Variants in SLC35F1 observed in about 807,000 individuals in gnomAD.
SLC35F1 encodes chromosome 6 open reading frame 169.
SLC35F1 carries 14 observed loss-of-function variants against 48.7 expected under a neutral mutation model. The ratio of observed to expected loss-of-function variants is 0.29; its 90% confidence interval spans 0.19 to 0.45. The LOEUF (loss-of-function observed/expected upper bound fraction) is 0.45. SLC35F1 is among the 20% of genes least tolerant of loss of function. The pLI is 1.00. For missense variants in SLC35F1, 404 were observed against 500.0 expected (o/e 0.81, Z 1.83); for synonymous variants, 190 against 202.2 (o/e 0.94, Z 0.51).
In SLC35F1 at chr6:118,196,732, A is replaced by T. The variant is rs1774805680; in HGVS notation, c.350-38777A>T. 3.3e-5 allele frequency among the ~76,000 whole-genome samples: 5 copies of T among 152,136 alleles called. No individual in the cohort carries two copies. The South Asian group carries it at 1.0e-3, about 31-fold the overall frequency. ...AGTGAGACTCTGTCTCAAAAAAAAT[A>T]AATTAAATAAATAAATAAATAAATC... On this transcript the variant is annotated intron_variant, in intron 2 of 7. Coordinates refer to ENST00000360388, the MANE Select transcript of SLC35F1 (RefSeq NM_001029858.4).
intron 1 of SLC35F1, among the ~76,000 whole-genome samples, chr6:118,034,137 T>G (rs912284225): frequency 1.3e-5 from 2 of 152,212 alleles, no homozygotes; most frequent in Admixed American, 6.5e-5. Flanking sequence ...GCAATTTTTT[T>G]TGTGTAAAGA....
chr6:118,150,871 A>G (rs1270927553), intron 1 of SLC35F1, among the ~76,000 whole-genome samples: 1 of 152,134 alleles, frequency 6.6e-6, no homozygotes, highest in Non-Finnish European at 1.5e-5. Flanking sequence ...TGCAAAGTCA[A>G]CATCTCTAAT....
intron 1 of SLC35F1, among the ~76,000 whole-genome samples, chr6:117,998,688 G>C (rs1317415460): frequency 2.6e-5 from 4 of 152,096 alleles, no homozygotes; most frequent in Admixed American, 1.3e-4. Flanking sequence ...GGATACATAA[G>C]GAAATGAAGG....
At chr6:118,277,603 G>A in intron 6 of SLC35F1, 57 bp downstream of exon 6, 2 of 1,489,346 alleles carry the variant, frequency 1.3e-6, no homozygotes, top group East Asian at 2.3e-5. Context: ...TGTGTTTGAA[G>A]AATGATGTGG....
At chr6:118,178,186 G>A (rs1240658859) in intron 2 of SLC35F1, among the ~76,000 whole-genome samples, 3 of 151,844 alleles carry the variant, frequency 2.0e-5, no homozygotes, top group Non-Finnish European at 4.4e-5. Context: ...TGGGGGTTGC[G>A]GATCTAGATT....
intron 1 of SLC35F1, among the ~76,000 whole-genome samples, chr6:118,042,260 C>G (rs1020103421): frequency 2.6e-5 from 4 of 152,146 alleles, no homozygotes; most frequent in African/African-American, 9.7e-5. Context: ...CTTTGTAAAG[C>G]CCATTATTTG....
intron 6 of SLC35F1, among the ~76,000 whole-genome samples, chr6:118,280,084 G>C (rs1775963734): frequency 6.6e-6 from 1 of 152,090 alleles, no homozygotes; most frequent in Non-Finnish European, 1.5e-5. Flanking sequence ...AAAATATAGA[G>C]CAATTAAAAG....
intron 4 of SLC35F1, among the ~76,000 whole-genome samples, chr6:118,270,720 G>A (rs927404690): frequency 1.3e-5 from 2 of 152,152 alleles, no homozygotes; most frequent in African/African-American, 4.8e-5. Flanking sequence ...TGCATTTACT[G>A]ATGTGCAGGG....
intron 1 of SLC35F1, among the ~76,000 whole-genome samples, chr6:118,017,366 G>A (rs931859246): frequency 6.6e-6 from 1 of 152,150 alleles, no homozygotes; most frequent in Non-Finnish European, 1.5e-5. Context: ...CACATGCTGA[G>A]TCCTAGGCAA....
At chr6:118,071,073 C>CACATAGTATATATATTCTATGTATA (rs1562280985) in intron 1 of SLC35F1, among the ~76,000 whole-genome samples, 50 of 1,186 alleles carry the variant, frequency 0.042, no homozygotes, top group East Asian at 0.12. Context: ...CGTATATATA[C>CACATAGTATATATATTCTATGTATA]TATGTGTATA....
intron 1 of SLC35F1, among the ~76,000 whole-genome samples, chr6:118,007,796 G>A (rs1165084668): frequency 6.6e-6 from 1 of 152,128 alleles, no homozygotes; most frequent in African/African-American, 2.4e-5. Context: ...CTGGAGCTCA[G>A]GGTCTTCTTG....
At chr6:118,248,825 G>GTGTT (rs545999377) in intron 3 of SLC35F1, among the ~76,000 whole-genome samples, 81 of 152,348 alleles carry the variant, frequency 5.3e-4, no homozygotes, top group African/African-American at 1.9e-3. Context: ...TATAGATTGA[G>GTGTT]TGTTTGTGTC....
chr6:117,995,851 G>A (rs985377800), intron 1 of SLC35F1, among the ~76,000 whole-genome samples: 2 of 152,114 alleles, frequency 1.3e-5, no homozygotes, highest in Non-Finnish European at 2.9e-5. Flanking sequence ...TAGATTGGAT[G>A]GATTATATGG....
intron 2 of SLC35F1, among the ~76,000 whole-genome samples, chr6:118,215,318 A>C (rs1775057378): frequency 6.6e-6 from 1 of 152,226 alleles, no homozygotes; most frequent in African/African-American, 2.4e-5. Context: ...TTTCTCAAAA[A>C]TATGAGGCAA....
At chr6:118,072,232 C>T (rs34378000) in intron 1 of SLC35F1, among the ~76,000 whole-genome samples, 26,174 of 151,878 alleles carry the variant, frequency 0.17, 2,516 homozygotes, top group Admixed American at 0.28. Flanking sequence ...GTTCCTTTTA[C>T]GAATATAGTA....
chr6:118,233,186 C>T (rs1241123863), intron 2 of SLC35F1, among the ~76,000 whole-genome samples: 2 of 152,144 alleles, frequency 1.3e-5, no homozygotes, highest in Admixed American at 6.5e-5. Context: ...AGGATGATCT[C>T]GATCTCTTGA....
chr6:118,085,478 C>CTTTT (rs1299611336), intron 1 of SLC35F1, among the ~76,000 whole-genome samples: 1 of 80,152 alleles, frequency 1.2e-5, no homozygotes, highest in Non-Finnish European at 2.7e-5. Flanking sequence ...CTTTTTTTTT[C>CTTTT]TTTCTTTCCT....
At chr6:117,992,271 T>C (rs902305360) in intron 1 of SLC35F1, among the ~76,000 whole-genome samples, 1 of 152,206 alleles carries the variant, frequency 6.6e-6, no homozygotes, top group African/African-American at 2.4e-5. Context: ...TTAACATCAT[T>C]GAATTTGTTC....
intron 1 of SLC35F1, among the ~76,000 whole-genome samples, chr6:118,035,065 T>C (rs772155200): frequency 4.0e-4 from 61 of 152,252 alleles, no homozygotes; most frequent in Non-Finnish European, 7.8e-4. Flanking sequence ...CTTTAATAGA[T>C]ACAGGGCTCT....
Sources: gnomAD v4.1 joint callset for allele counts (sites outside exome capture counted in the v4.1 genomes callset) on GRCh38, gnomAD v4.1.1 for gene constraint, MANE v1.5 for transcripts, NCBI Gene and HGNC (gene_info 2026-07-23, HGNC 2026-07-21) for gene names.